Variants in SPECC1 observed in about 807,000 individuals in gnomAD.
The protein encoded by SPECC1 is sperm antigen with calponin homology and coiled-coil domains 1.
In SPECC1, 62 loss-of-function variants were observed where a neutral mutation model predicts 104.1. That is an observed-to-expected ratio of 0.60 (90% CI 0.49 to 0.74). The LOEUF (loss-of-function observed/expected upper bound fraction) is 0.74, where lower values mean the gene tolerates loss of function less well. Ranked by LOEUF, SPECC1 falls within the 30% of genes least tolerant of loss-of-function variation. The pLI, the probability that SPECC1 is intolerant of heterozygous loss-of-function variation, is 0.00. For missense variants in SPECC1, 1,306 were observed against 1,310.5 expected, an observed-to-expected ratio of 1.00 and a Z score of 0.05; for synonymous variants, 513 against 501.6, an observed-to-expected ratio of 1.02 and a Z score of -0.30.
At chr17:20,030,573 T>A (rs1451471731) in intron 1 of SPECC1, among the ~76,000 whole-genome samples, 1 of 152,188 alleles carries the variant, frequency 6.6e-6, no homozygotes, top group Non-Finnish European at 1.5e-5. Flanking sequence ...GGTTCAACAA[T>A]AGGCTTTATA....
chr17:20,083,778 G>A (rs1185756960), intron 1 of SPECC1, among the ~76,000 whole-genome samples: 1 of 152,186 alleles, frequency 6.6e-6, no homozygotes, highest in South Asian at 2.1e-4. Flanking sequence ...TTAATGGATT[G>A]TATATGTTTA....
At position 20,314,685 on chromosome 17, in the gene SPECC1, T is replaced by TGG; in HGVS notation, c.*620_*621insGG. 1 of 97,696 alleles carries TGG rather than the reference T, an allele frequency of 1.0e-5. No homozygotes were observed. Among genetic ancestry groups the TGG allele is most frequent in the East Asian group, 1.5e-4 (1 of 6,690 alleles). The allele number at this position is 97,696 out of a possible 1,614,324, so 6.1% of individuals were successfully genotyped here. A position where few individuals can be genotyped will look rare whatever the true frequency, so the allele number is the denominator to read the frequency against. On this transcript the variant is annotated 3_prime_UTR_variant, in exon 15 of 15. Coordinates refer to ENST00000395527, the MANE Select transcript of SPECC1 (RefSeq NM_001243439.2). Reference sequence around the variant, plus strand: ...AACTTTGCCCTTGTGAACCCTCCCTTCCCCCCTCCCCCCCCAAAAAAAAAC... The same window carrying TGG: ...AACTTTGCCCTTGTGAACCCTCCCTTGGCCCCCCTCCCCCCCCAAAAAAAAAC...
chr17:20,129,441 G>A lies in SPECC1; in HGVS notation c.283+18879G>A, dbSNP rs188609476. 2.6e-5 allele frequency among the ~76,000 whole-genome samples: 4 copies of A among 151,908 alleles called. No individual in the cohort carries two copies. In the East Asian group the frequency reaches 7.7e-4, roughly 29 times the overall value. On this transcript the variant is annotated intron_variant, in intron 3 of 14. Transcript: ENST00000395527. The stretch of plus-strand genomic sequence containing the variant: ...CTGACCTCGTGATCTACGCACCTCG[G>A]CCTCCCAAAGTGCTGGGATTACAGG...
At chr17:20,264,633 G>C (rs772279919) in intron 12 of SPECC1, among the ~76,000 whole-genome samples, 1 of 151,688 alleles carries the variant, frequency 6.6e-6, no homozygotes, top group Non-Finnish European at 1.5e-5. Flanking sequence ...CACCACACCT[G>C]GCTAATTTTT....
intron 13 of SPECC1, chr17:20,305,647 C>T (rs1431820095): frequency 6.2e-6 from 1 of 162,118 alleles, no homozygotes; most frequent in African/African-American, 2.4e-5. Flanking sequence ...GATTTAAATA[C>T]AATCTATATA....
intron 2 of SPECC1, among the ~76,000 whole-genome samples, chr17:20,105,112 G>GC (rs1443357874): frequency 6.6e-6 from 1 of 151,758 alleles, no homozygotes; most frequent in Non-Finnish European, 1.5e-5. Context: ...CGGTGGGGGG[G>GC]CGGGAGACAG....
At chr17:20,246,713 C>T (rs1183819945) in intron 8 of SPECC1, among the ~76,000 whole-genome samples, 1 of 152,174 alleles carries the variant, frequency 6.6e-6, no homozygotes, top group Non-Finnish European at 1.5e-5. Context: ...ATAGAAGAAA[C>T]AGAATGTGCA....
chr17:20,104,479 A>C (rs925893218), intron 2 of SPECC1, among the ~76,000 whole-genome samples: 1 of 152,110 alleles, frequency 6.6e-6, no homozygotes, highest in Admixed American at 6.5e-5. Flanking sequence ...ACGGTGGCTC[A>C]TGCCTGTAAT....
At position 20,059,660 on chromosome 17, in the gene SPECC1, T is replaced by C. The variant is rs576100935; in HGVS notation, c.-21-36971T>C. Among the ~76,000 whole-genome samples the C allele has an allele frequency of 6.5e-4, 99 of 152,320 alleles. 1 individual carries two copies. Among genetic ancestry groups the C allele is most frequent in the Non-Finnish European group, 1.0e-3 (70 of 68,006 alleles). On this transcript the variant is annotated intron_variant, in intron 1 of 14. Transcript: ENST00000395527. ...CACATTGTACCTTGGTCGTTGTATATGAACATCAAACATGAAAGGTGCTAG... is the reference window on the plus strand; with the variant it reads ...CACATTGTACCTTGGTCGTTGTATACGAACATCAAACATGAAAGGTGCTAG...
At chr17:20,307,877 T>G (rs1397076125) in intron 14 of SPECC1, among the ~76,000 whole-genome samples, 1 of 152,030 alleles carries the variant, frequency 6.6e-6, no homozygotes, top group Non-Finnish European at 1.5e-5. Flanking sequence ...AAACAAAATA[T>G]CCATCTAGAC....
chr17:20,074,152 G>A (rs1030662479), intron 1 of SPECC1, among the ~76,000 whole-genome samples: 1 of 152,136 alleles, frequency 6.6e-6, no homozygotes, highest in Non-Finnish European at 1.5e-5. Flanking sequence ...CCGCCCACTC[G>A]ACTAGTGCTT....
chr17:20,011,055 T>C (rs1034817916), intron 1 of SPECC1, among the ~76,000 whole-genome samples: 1 of 152,246 alleles, frequency 6.6e-6, no homozygotes, highest in African/African-American at 2.4e-5. Flanking sequence ...ATCAATAAGC[T>C]AGCATCTTAT....
At chr17:20,157,766 A>G (rs1904683444) in intron 3 of SPECC1, among the ~76,000 whole-genome samples, 1 of 152,118 alleles carries the variant, frequency 6.6e-6, no homozygotes, top group Non-Finnish European at 1.5e-5. Flanking sequence ...ATTTTATTGT[A>G]TTTTTCAAAG....
At chr17:20,312,858 C>T (rs186490861) in intron 14 of SPECC1, among the ~76,000 whole-genome samples, 3 of 152,190 alleles carry the variant, frequency 2.0e-5, no homozygotes, top group Non-Finnish European at 4.4e-5. Flanking sequence ...TAAGTGAAGT[C>T]TGTTCAGATT....
At chr17:20,258,567 C>T (rs2039915613) in intron 11 of SPECC1, among the ~76,000 whole-genome samples, 1 of 152,228 alleles carries the variant, frequency 6.6e-6, no homozygotes, top group Non-Finnish European at 1.5e-5. Context: ...TCCTGGTCTT[C>T]TAGATGCCCC....
At chr17:20,209,663 A>T (rs776831286) in intron 4 of SPECC1, among the ~76,000 whole-genome samples, 10 of 152,098 alleles carry the variant, frequency 6.6e-5, no homozygotes, top group Non-Finnish European at 1.0e-4. Flanking sequence ...GTCACATGAC[A>T]TACTTCTGTA....
At chr17:20,108,718 C>A (rs1457151727) in intron 2 of SPECC1, among the ~76,000 whole-genome samples, 1 of 152,132 alleles carries the variant, frequency 6.6e-6, no homozygotes, top group Non-Finnish European at 1.5e-5. Flanking sequence ...TGTTGAAGGA[C>A]ATTTGGGTTG....
At chr17:20,222,241 G>A (rs767123762) in intron 4 of SPECC1, among the ~76,000 whole-genome samples, 48 of 152,172 alleles carry the variant, frequency 3.2e-4, no homozygotes, top group Middle Eastern at 3.4e-3. Flanking sequence ...ACTGAGACAG[G>A]AAAATTGCTT....
chr17:20,033,904 G>A (rs146890079), intron 1 of SPECC1, among the ~76,000 whole-genome samples: 69 of 152,240 alleles, frequency 4.5e-4, no homozygotes, highest in African/African-American at 1.6e-3. Flanking sequence ...CTTATTGTCA[G>A]CCTCAAATGA....
Sources: gnomAD v4.1 joint callset for allele counts (sites outside exome capture counted in the v4.1 genomes callset) on GRCh38, gnomAD v4.1.1 for gene constraint, MANE v1.5 for transcripts, NCBI Gene and HGNC (gene_info 2026-07-23, HGNC 2026-07-21) for gene names.